STON1: variants seen among roughly 807,000 people sequenced by gnomAD.
STON1 encodes the protein stonin 1.
A neutral mutation model predicts 60.9 loss-of-function variants in STON1; 79 were observed. The ratio of observed to expected loss-of-function variants is 1.30; its 90% CI spans 1.08 to 1.56. The LOEUF is 1.56. STON1 is among the 40% of genes most tolerant of loss of function. The probability of loss-of-function intolerance (pLI) is 0.00; values close to 1 mark genes in which losing one functional copy is unlikely to be tolerated. For missense variants in STON1, 1,166 were observed against 858.9 expected (o/e 1.36, Z -4.47); for synonymous variants, 363 against 306.9 (o/e 1.18, Z -1.91).
intron 1 of STON1, among the ~76,000 whole-genome samples, chr2:48,563,763 G>T (rs1411802236): frequency 4.0e-5 from 6 of 151,512 alleles, no homozygotes; most frequent in African/African-American, 1.5e-4. Flanking sequence ...GTGTGATTTC[G>T]GCTCAATGCA....
Position 48,580,607 on chromosome 2 carries a change from T to C in STON1, c.-27T>C. 2 of 1,325,208 alleles carry C rather than the reference T, an allele frequency of 1.5e-6. No individual in the cohort carries two copies. The highest frequency in any genetic ancestry group is 6.1e-5 in the Admixed American group (2 of 32,894). The allele number at this position is 1,325,208 out of a possible 1,614,324, so 82.1% of individuals were successfully genotyped here. A position where few individuals can be genotyped will look rare whatever the true frequency, so the allele number is the denominator to read the frequency against. On this transcript the variant is annotated 5_prime_UTR_variant, in exon 2 of 4. Transcript: ENST00000404752. ...AACAGAGTCAACCTATTTGATTTCT[T>C]GACAAGACCACAATCTGATCCCAAA... is the stretch of plus-strand genomic sequence containing the variant.
Position 48,580,836 on chromosome 2 carries a change from A to AT in STON1, c.208dup (p.Tyr70LeufsTer9), listed in dbSNP as rs1673836724. The AT allele has an allele frequency of 6.5e-7, 1 of 1,545,170 alleles. No individual in the cohort carries two copies. Among genetic ancestry groups the AT allele is most frequent in the South Asian group, 1.3e-5 (1 of 77,922 alleles). On this transcript the variant is annotated frameshift_variant, in exon 2 of 4. Coordinates refer to ENST00000404752, the MANE Select transcript of STON1 (RefSeq NM_006873.4). LOFTEE classifies it high-confidence loss of function. ...ACTCCTCTCTCCTCCCCCATTGTAGATTTTTATTTCAGTCCAGGACCTCCA... is the reference window on the plus strand; with the variant it reads ...ACTCCTCTCTCCTCCCCCATTGTAGATTTTTTATTTCAGTCCAGGACCTCCA...
chr2:48,573,163 A>G (rs1310355076), intron 1 of STON1, among the ~76,000 whole-genome samples: 2 of 152,200 alleles, frequency 1.3e-5, no homozygotes, highest in Admixed American at 6.5e-5. Context: ...TCCCACGGGC[A>G]TGATTCCAGC....
chr2:48,589,357 C>G (rs1048994795), intron 2 of STON1, among the ~76,000 whole-genome samples: 4 of 152,200 alleles, frequency 2.6e-5, no homozygotes, highest in Non-Finnish European at 4.4e-5. Context: ...CAAAGCTGGA[C>G]AGTTCCCCCT....
chr2:48,564,583 TCCTCCTCCTCCTC>T (rs1672836514), intron 1 of STON1, among the ~76,000 whole-genome samples: 4 of 64,872 alleles, frequency 6.2e-5, no homozygotes, highest in South Asian at 5.7e-4. Flanking sequence ...CTCCTTCTCC[TCCTCCTCCTCCTC>T]CTCCTCCTTC....
intron 1 of STON1, among the ~76,000 whole-genome samples, chr2:48,540,616 AG>A (rs1671613502): frequency 6.6e-6 from 1 of 152,214 alleles, no homozygotes; most frequent in South Asian, 2.1e-4. Context: ...TATTCTTTAT[AG>A]TAAACCAGTA....
rs557717065 is a variant in STON1 at position 48,594,770 on chromosome 2, C to T, written c.2134-458C>T. Among the ~76,000 whole-genome samples, 4 of 152,072 alleles carry T rather than the reference C, an allele frequency of 2.6e-5. No homozygotes were observed. In the South Asian group the frequency reaches 8.3e-4, roughly 32 times the overall value. On this transcript the variant is annotated intron_variant, in intron 3 of 3. Coordinates refer to ENST00000404752, the MANE Select transcript of STON1 (RefSeq NM_006873.4). ...GCTGCAAAAGTAATCACGGTTTTTG[C>T]CATTAGTTTTGCAGCAACCTAATAG...
At chr2:48,566,813 G>T (rs1672965002) in intron 1 of STON1, among the ~76,000 whole-genome samples, 1 of 152,218 alleles carries the variant, frequency 6.6e-6, no homozygotes, top group Non-Finnish European at 1.5e-5. Flanking sequence ...TCTCAGGCGG[G>T]CACTTTAAGA....
chr2:48,564,419 C>T (rs891381541), intron 1 of STON1, among the ~76,000 whole-genome samples: 2 of 39,600 alleles, frequency 5.1e-5, no homozygotes, highest in Non-Finnish European at 1.2e-4. Flanking sequence ...TCTTCTTCTT[C>T]TTCTTCTTCT....
chr2:48,539,653 C>T (rs1671579289), intron 1 of STON1, among the ~76,000 whole-genome samples: 1 of 152,030 alleles, frequency 6.6e-6, no homozygotes, highest in Admixed American at 6.6e-5. Flanking sequence ...AGGGGCATGC[C>T]AGCACACCAG....
intron 2 of STON1, among the ~76,000 whole-genome samples, chr2:48,586,779 A>G (rs1221211872): frequency 6.6e-6 from 1 of 152,148 alleles, no homozygotes; most frequent in Non-Finnish European, 1.5e-5. Context: ...TGCAGTGCAG[A>G]GGAAAGATTT....
chr2:48,588,957 G>T (rs1256495677), intron 2 of STON1, among the ~76,000 whole-genome samples: 1 of 152,056 alleles, frequency 6.6e-6, no homozygotes, highest in East Asian at 1.9e-4. Flanking sequence ...AGGCTTTGTT[G>T]GGGTGATAGA....
At position 48,581,831 on chromosome 2, in the gene STON1, T is replaced by C; in HGVS notation, c.1198T>C (p.Leu400=). The change falls in exon 2 of 4, where the codon TTG becomes CTG. Residue 400 remains leucine (L), a synonymous_variant. Coordinates refer to ENST00000404752, the MANE Select transcript of STON1 (RefSeq NM_006873.4). ...LTTVEEELMK[L]PAVSKPKKNY... is the part of the protein sequence containing the mutation. ...TACTGTGGAGGAGGAGCTGATGAAG[T>C]TGCCAGCTGTTTCAAAACCAAAAAA... The C allele has an allele frequency of 6.2e-7, 1 of 1,614,148 alleles. No individual in the cohort carries two copies. Among genetic ancestry groups the C allele is most frequent in the Non-Finnish European group, 8.5e-7 (1 of 1,180,046 alleles).
chr2:48,569,208 C>A (rs1673080475), intron 1 of STON1: 1 of 152,164 alleles, frequency 6.6e-6, no homozygotes, highest in South Asian at 2.1e-4. Context: ...CTTAGCACAC[C>A]ATGAACACAT....
At chr2:48,577,898 G>A (rs926012150) in intron 1 of STON1, among the ~76,000 whole-genome samples, 5 of 150,980 alleles carry the variant, frequency 3.3e-5, no homozygotes, top group Non-Finnish European at 7.4e-5. Flanking sequence ...TTACAGGCAT[G>A]AGCCACCGAG....
intron 1 of STON1, among the ~76,000 whole-genome samples, chr2:48,533,851 C>A (rs1431791113): frequency 6.6e-6 from 1 of 150,546 alleles, no homozygotes; most frequent in Non-Finnish European, 1.5e-5. Context: ...CTTATCGCAA[C>A]CTCCACCTCC....
At chr2:48,542,691 G>C (rs1386637885) in intron 1 of STON1, among the ~76,000 whole-genome samples, 1 of 152,108 alleles carries the variant, frequency 6.6e-6, no homozygotes, top group Non-Finnish European at 1.5e-5. Context: ...GATCACTTGA[G>C]GCCAGGAGCT....
At position 48,581,423 on chromosome 2, in the gene STON1, C is replaced by A. The variant is rs780979085; in HGVS notation, c.790C>A (p.Pro264Thr). The stretch of plus-strand genomic sequence containing the variant: ...TGAAGAAAATGCCTCTTCCTTTGTC[C>A]CCCACACACTCTTCAGGAGTCAGCC... ...CAEENASSFV[P>T]HTLFRSQPKS... Residue 264 changes from proline (P) to threonine (T), a missense_variant, in exon 2 of 4, where the codon CCC becomes ACC. Physicochemically the swap from Pro to Thr is conservative, Grantham distance 38. Coordinates refer to ENST00000404752, the MANE Select transcript of STON1 (RefSeq NM_006873.4). 3.7e-6 allele frequency: 6 copies of A among 1,612,926 alleles called. No homozygotes were observed. The highest frequency in any genetic ancestry group is 5.1e-6 in the Non-Finnish European group (6 of 1,179,170).
At chr2:48,593,044 T>G (rs1232979185) in intron 3 of STON1, among the ~76,000 whole-genome samples, 1 of 152,222 alleles carries the variant, frequency 6.6e-6, no homozygotes, top group Non-Finnish European at 1.5e-5. Context: ...GTTTAGTAGA[T>G]ATATGGATGT....
Sources: allele counts gnomAD v4.1 joint callset (sites outside exome capture counted in the v4.1 genomes callset), GRCh38; gene constraint gnomAD v4.1.1; transcripts MANE v1.5; gene names NCBI Gene and HGNC (gene_info 2026-07-23, HGNC 2026-07-21).